The following CDC73 variants were observed in gnomAD, a reference collection of about 807,000 sequenced individuals.
CDC73 encodes parafibromin.
CDC73 carries 21 observed loss-of-function variants against 83.7 expected under a neutral mutation model. That is an observed-to-expected ratio of 0.25 (90% CI 0.18 to 0.36). The LOEUF (loss-of-function observed/expected upper bound fraction) is 0.36, where lower values mean the gene tolerates loss of function less well. Among genes scored for constraint, CDC73 ranks in the 10% least tolerant of loss-of-function variants. The probability of loss-of-function intolerance (pLI) is 1.00; values close to 1 mark genes in which losing one functional copy is unlikely to be tolerated. For missense variants in CDC73, 342 were observed against 653.3 expected (o/e 0.52, Z 5.19); for synonymous variants, 224 against 212.9 (o/e 1.05, Z -0.45).
chr1:193,244,385 T>C (rs1677914551), intron 15 of CDC73, among the ~76,000 whole-genome samples: 1 of 152,228 alleles, frequency 6.6e-6, no homozygotes, highest in Non-Finnish European at 1.5e-5. Context: ...TTTTACACTG[T>C]AGCTGAGAAT....
intron 10 of CDC73, among the ~76,000 whole-genome samples, chr1:193,192,001 T>C (rs567651869): frequency 9.1e-4 from 138 of 152,322 alleles, no homozygotes; most frequent in African/African-American, 2.9e-3. Flanking sequence ...ATTTAAAGTA[T>C]AACAAACAAT....
intron 10 of CDC73, among the ~76,000 whole-genome samples, chr1:193,168,679 A>G (rs1676472343): frequency 6.6e-6 from 1 of 151,952 alleles, no homozygotes; most frequent in Admixed American, 6.6e-5. Flanking sequence ...GCCTGCCACC[A>G]TGGCTGGCTA....
intron 10 of CDC73, among the ~76,000 whole-genome samples, chr1:193,202,246 C>A (rs185332795): frequency 5.9e-5 from 9 of 151,946 alleles, no homozygotes; most frequent in Admixed American, 2.6e-4. Flanking sequence ...CAACTAGCTG[C>A]AGTGCCCAGA....
intron 15 of CDC73, among the ~76,000 whole-genome samples, chr1:193,247,333 T>TA (rs763475493): frequency 2.2e-4 from 34 of 152,176 alleles, no homozygotes; most frequent in Admixed American, 2.0e-3. Flanking sequence ...ATGGCAAACT[T>TA]AGATTGATAA....
intron 10 of CDC73, among the ~76,000 whole-genome samples, chr1:193,163,150 GTTGTGTGTGTGT>G (rs1258503070): frequency 1.3e-3 from 185 of 145,928 alleles, no homozygotes; most frequent in African/African-American, 4.8e-3. Flanking sequence ...ACTTTGTGGG[GTTGTGTGTGTGT>G]GTGTGTGTGT....
chr1:193,194,650 A>G (rs1676971309), intron 10 of CDC73, among the ~76,000 whole-genome samples: 2 of 152,160 alleles, frequency 1.3e-5, no homozygotes, highest in Non-Finnish European at 2.9e-5. Flanking sequence ...TAATCCAAGC[A>G]TTATAGACAT....
Position 193,250,690 on chromosome 1 carries a change from A to G in CDC73, c.1574A>G (p.His525Arg), listed in dbSNP as rs188778681. 7 of 1,609,004 alleles carry G rather than the reference A, an allele frequency of 4.4e-6. No homozygotes were observed. In the Admixed American group the frequency reaches 1.0e-4, roughly 23 times the overall value. The part of the protein sequence containing the change: ...WETLDRYMVK[H>R]KSHLRF ...ATTTTTTTCAGGTACATGGTAAAGC[A>G]TAAATCGCACTTGAGATTCTGAATT... Residue 525 changes from histidine to arginine, a missense_variant, in exon 17 of 17, where the codon CAT (histidine) becomes CGT (arginine). This residue lies in a region of CDC73 where 239 missense variants were observed against 420.6 expected (regional missense o/e 0.57). Transcript: ENST00000367435.
chr1:193,230,994 G>A (rs1331979567), intron 13 of CDC73, among the ~76,000 whole-genome samples: 10 of 152,128 alleles, frequency 6.6e-5, no homozygotes, highest in African/African-American at 1.9e-4. Flanking sequence ...TAGGACGGTG[G>A]TTAATTGTAA....
chr1:193,187,623 T>G (rs939105950), intron 10 of CDC73, among the ~76,000 whole-genome samples: 1 of 152,314 alleles, frequency 6.6e-6, no homozygotes, highest in African/African-American at 2.4e-5. Flanking sequence ...AGTTATAGTT[T>G]TGGAGCTTAA....
chr1:193,135,814 T>G (rs979678077), intron 5 of CDC73, among the ~76,000 whole-genome samples: 1 of 151,902 alleles, frequency 6.6e-6, no homozygotes, highest in African/African-American at 2.4e-5. Context: ...TGCTTTTATA[T>G]TCTTATGGAT....
intron 2 of CDC73, among the ~76,000 whole-genome samples, chr1:193,128,584 C>CA (rs1404068035): frequency 1.3e-5 from 2 of 152,110 alleles, no homozygotes; most frequent in Admixed American, 1.3e-4. Flanking sequence ...GGATTACAGG[C>CA]ATGAACCACC....
chr1:193,210,037 A>G (rs1180939987), intron 11 of CDC73, among the ~76,000 whole-genome samples: 2 of 152,208 alleles, frequency 1.3e-5, no homozygotes, highest in African/African-American at 4.8e-5. Flanking sequence ...GACACTATGT[A>G]GCCAATGAGA....
At chr1:193,228,332 A>G (rs1053991976) in intron 13 of CDC73, among the ~76,000 whole-genome samples, 1 of 152,168 alleles carries the variant, frequency 6.6e-6, no homozygotes, top group Admixed American at 6.5e-5. Flanking sequence ...TGTTGAATTT[A>G]AATGTAGTGC....
chr1:193,176,063 A>G (rs1321461869), intron 10 of CDC73, among the ~76,000 whole-genome samples: 2 of 152,236 alleles, frequency 1.3e-5, no homozygotes, highest in Non-Finnish European at 2.9e-5. Context: ...AAAATTTTAA[A>G]CACATTTTTA....
chr1:193,138,712 A>G (rs545343633), intron 6 of CDC73, among the ~76,000 whole-genome samples: 12 of 147,802 alleles, frequency 8.1e-5, no homozygotes, highest in East Asian at 6.0e-4. Context: ...ATTCTTTTCT[A>G]TCTGTCTGTT....
At chr1:193,154,897 C>G (rs1250728107) in intron 10 of CDC73, among the ~76,000 whole-genome samples, 3 of 152,180 alleles carry the variant, frequency 2.0e-5, no homozygotes, top group Admixed American at 6.5e-5. Flanking sequence ...TCCACCCAGA[C>G]ATACAGTGAT....
chr1:193,201,461 G>A (rs186704906), intron 10 of CDC73, among the ~76,000 whole-genome samples: 2 of 152,220 alleles, frequency 1.3e-5, no homozygotes, highest in Non-Finnish European at 2.9e-5. Flanking sequence ...AGTGATTTTA[G>A]GCTTATTTCC....
intron 15 of CDC73, among the ~76,000 whole-genome samples, chr1:193,242,433 C>A (rs1572221563): frequency 6.6e-6 from 1 of 152,136 alleles, no homozygotes; most frequent in Admixed American, 6.5e-5. Flanking sequence ...CCTGGCTTCC[C>A]TTCTCCTTCC....
At chr1:193,140,428 A>G (rs1675885063) in intron 6 of CDC73, among the ~76,000 whole-genome samples, 2 of 152,202 alleles carry the variant, frequency 1.3e-5, no homozygotes, top group Non-Finnish European at 2.9e-5. Flanking sequence ...CAAGACCTCC[A>G]GTGGATGCCT....
Sources: gnomAD v4.1 joint callset for allele counts (sites outside exome capture counted in the v4.1 genomes callset) on GRCh38, gnomAD v4.1.1 for gene constraint, gnomAD v4.1.1 regional missense constraint, MANE v1.5 for transcripts, NCBI Gene and HGNC (gene_info 2026-07-23, HGNC 2026-07-21) for gene names.